The following DEUP1 variants were observed in gnomAD, a reference collection of about 807,000 sequenced individuals.
DEUP1 encodes the protein coiled-coil domain containing 67.
DEUP1 carries 82 observed loss-of-function variants against 87.4 expected under a neutral mutation model. That is an observed-to-expected ratio of 0.94 (90% CI 0.78 to 1.13). The LOEUF is 1.13. DEUP1 is among the 50% of genes most tolerant of loss of function. DEUP1 has a pLI of 0.00. For synonymous variants in DEUP1, 214 were observed against 222.7 expected (o/e 0.96, Z 0.35); for missense variants, 663 against 681.5 (o/e 0.97, Z 0.30).
chr11:93,394,777 C>T (rs1946884588), intron 10 of DEUP1, 121 bp downstream of exon 10: 2 of 688,138 alleles, frequency 2.9e-6, no homozygotes, highest in Non-Finnish European at 4.6e-6. Flanking sequence ...AGACTAGCTT[C>T]ACAGAAATGC....
chr11:93,333,512 A>T (rs1943592034), intron 2 of DEUP1, among the ~76,000 whole-genome samples: 2 of 152,212 alleles, frequency 1.3e-5, no homozygotes, highest in Admixed American at 1.3e-4. Flanking sequence ...CATTGGCCAG[A>T]ACTTTATCCC....
chr11:93,415,383 G>A (rs1339100879), intron 13 of DEUP1, among the ~76,000 whole-genome samples: 2 of 152,060 alleles, frequency 1.3e-5, no homozygotes, highest in East Asian at 1.9e-4. Flanking sequence ...TAAAAAAAAT[G>A]CGAGTGCTTG....
chr11:93,390,698 G>C (rs917311304), intron 9 of DEUP1, among the ~76,000 whole-genome samples: 1 of 152,092 alleles, frequency 6.6e-6, no homozygotes, highest in Non-Finnish European at 1.5e-5. Context: ...GTGGGAGAGA[G>C]TATGAGGCAC....
chr11:93,435,600 A>G (rs371462479), intron 13 of DEUP1, among the ~76,000 whole-genome samples: 4 of 152,260 alleles, frequency 2.6e-5, no homozygotes, highest in Admixed American at 2.0e-4. Context: ...TTCTTCTAGT[A>G]TGGGATCTAC....
intron 5 of DEUP1, among the ~76,000 whole-genome samples, chr11:93,369,263 GC>G (rs918523703): frequency 1.3e-5 from 2 of 152,102 alleles, no homozygotes; most frequent in Non-Finnish European, 2.9e-5. Flanking sequence ...ATTTCATAAT[GC>G]TGTCACTTTG....
intron 2 of DEUP1, among the ~76,000 whole-genome samples, chr11:93,333,705 C>G (rs1943602591): frequency 1.3e-5 from 2 of 152,170 alleles, no homozygotes; most frequent in Non-Finnish European, 2.9e-5. Context: ...GGAGCTCATC[C>G]TAGAATATAC....
chr11:93,407,358 G>A (rs1230100866), intron 11 of DEUP1, among the ~76,000 whole-genome samples: 1 of 152,138 alleles, frequency 6.6e-6, no homozygotes, highest in Non-Finnish European at 1.5e-5. Flanking sequence ...GCCTACGTGT[G>A]TAGTAGGCTA....
At chr11:93,413,429 C>T (rs1382165640) in intron 12 of DEUP1, among the ~76,000 whole-genome samples, 4 of 151,890 alleles carry the variant, frequency 2.6e-5, no homozygotes, top group African/African-American at 9.7e-5. Context: ...TTTTTAGTAG[C>T]GACGGGGTTT....
intron 13 of DEUP1, among the ~76,000 whole-genome samples, chr11:93,430,631 T>C (rs1948075411): frequency 6.6e-6 from 1 of 152,110 alleles, no homozygotes; most frequent in Non-Finnish European, 1.5e-5. Context: ...GAGTTTTCAT[T>C]ACGGATAATG....
At chr11:93,374,828 T>A (rs970424488) in intron 7 of DEUP1, among the ~76,000 whole-genome samples, 1 of 152,108 alleles carries the variant, frequency 6.6e-6, no homozygotes, top group African/African-American at 2.4e-5. Context: ...ATGGTGGTAT[T>A]TTGATGGGAA....
chr11:93,414,294 A>C (rs915070671), intron 12 of DEUP1, among the ~76,000 whole-genome samples: 1 of 152,140 alleles, frequency 6.6e-6, no homozygotes, highest in Non-Finnish European at 1.5e-5. Flanking sequence ...CAGGCGAATC[A>C]CAAGGTCAGG....
intron 9 of DEUP1, among the ~76,000 whole-genome samples, chr11:93,392,744 C>T (rs1946803475): frequency 6.6e-6 from 1 of 152,002 alleles, no homozygotes; most frequent in African/African-American, 2.4e-5. Flanking sequence ...AAAAAAAAAT[C>T]CATTTTAAAA....
chr11:93,416,201 T>G (rs1244761597), intron 13 of DEUP1, among the ~76,000 whole-genome samples: 1 of 151,810 alleles, frequency 6.6e-6, no homozygotes, highest in Admixed American at 6.6e-5. Context: ...CTGAAGGAAA[T>G]AGAGACACAA....
At chr11:93,351,513 C>CA (rs995737741) in intron 2 of DEUP1, among the ~76,000 whole-genome samples, 43 of 152,060 alleles carry the variant, frequency 2.8e-4, no homozygotes, top group Middle Eastern at 3.4e-3. Flanking sequence ...AAAAAATAGA[C>CA]AAAATCTATT....
intron 13 of DEUP1, among the ~76,000 whole-genome samples, chr11:93,433,467 C>T (rs557604947): frequency 6.6e-6 from 1 of 152,350 alleles, no homozygotes; most frequent in Non-Finnish European, 1.5e-5. Flanking sequence ...TAAGAGTTAG[C>T]TGTGGTTGCA....
chr11:93,420,461 G>T (rs563272212), intron 13 of DEUP1, among the ~76,000 whole-genome samples: 11 of 152,006 alleles, frequency 7.2e-5, no homozygotes, highest in African/African-American at 2.4e-4. Context: ...ATATCATACT[G>T]AATGGGCAAA....
chr11:93,400,300 T>C (rs1271475220), intron 11 of DEUP1, among the ~76,000 whole-genome samples: 4 of 152,186 alleles, frequency 2.6e-5, no homozygotes, highest in Non-Finnish European at 5.9e-5. Flanking sequence ...CTGAAACCTG[T>C]AGAAGAGAAT....
At chr11:93,435,331 T>G (rs1948211835) in intron 13 of DEUP1, among the ~76,000 whole-genome samples, 1 of 151,994 alleles carries the variant, frequency 6.6e-6, no homozygotes, top group Non-Finnish European at 1.5e-5. Context: ...TTACCCTTGG[T>G]GAAAGGGGAA....
intron 6 of DEUP1, 135 bp from the exon 7 acceptor site, chr11:93,370,903 A>T: frequency 2.5e-6 from 2 of 787,308 alleles, no homozygotes; most frequent in East Asian, 2.7e-5. Flanking sequence ...AGACTGAATT[A>T]CAAAGACCCA....
Sources: gnomAD v4.1 joint callset for allele counts (sites outside exome capture counted in the v4.1 genomes callset) on GRCh38, gnomAD v4.1.1 for gene constraint, MANE v1.5 for transcripts, NCBI Gene and HGNC (gene_info 2026-07-23, HGNC 2026-07-21) for gene names.